Variants in CTNNA3 observed in about 807,000 individuals in gnomAD.
CTNNA3 encodes catenin alpha-3.
CTNNA3 carries 76 observed loss-of-function variants against 95.7 expected under a neutral mutation model. The observed-to-expected ratio is 0.79, with a 90% CI of 0.66 to 0.96. The LOEUF is 0.96. Ranked by LOEUF, CTNNA3 falls within the 40% of genes least tolerant of loss-of-function variation. The pLI, the probability that CTNNA3 is intolerant of heterozygous loss-of-function variation, is 0.00. For synonymous variants in CTNNA3, 431 were observed against 374.4 expected (o/e 1.15, Z -1.74); for missense variants, 1,191 against 1,089.8 (o/e 1.09, Z -1.31).
At chr10:67,147,844 G>A (rs928449211) in intron 7 of CTNNA3, among the ~76,000 whole-genome samples, 6 of 152,108 alleles carry the variant, frequency 3.9e-5, no homozygotes, top group Admixed American at 1.3e-4. Flanking sequence ...TATTGAAGCT[G>A]TATAGATTGA....
At chr10:67,029,721 A>T (rs2133104773) in intron 7 of CTNNA3, among the ~76,000 whole-genome samples, 1 of 152,356 alleles carries the variant, frequency 6.6e-6, no homozygotes, top group South Asian at 2.1e-4. Context: ...ATTTTTACAA[A>T]TTAACTTTTA....
At chr10:65,983,572 A>G (rs180720657) in intron 16 of CTNNA3, among the ~76,000 whole-genome samples, 2 of 151,610 alleles carry the variant, frequency 1.3e-5, no homozygotes, top group Non-Finnish European at 3.0e-5. Context: ...AAAATTTTTA[A>G]GAATTGTTAT....
At chr10:67,658,894 A>T (rs1016556531) in intron 1 of CTNNA3, among the ~76,000 whole-genome samples, 8 of 152,214 alleles carry the variant, frequency 5.3e-5, no homozygotes, top group Non-Finnish European at 1.2e-4. Flanking sequence ...GAGTATTTGA[A>T]GTTCTCTTTA....
At chr10:66,887,531 T>C (rs1834522566) in intron 7 of CTNNA3, among the ~76,000 whole-genome samples, 1 of 151,612 alleles carries the variant, frequency 6.6e-6, no homozygotes, top group African/African-American at 2.4e-5. Context: ...AAAAAAAAAA[T>C]GTGTCCAAAA....
intron 5 of CTNNA3, among the ~76,000 whole-genome samples, chr10:67,316,195 T>C (rs1841044672): frequency 6.6e-6 from 1 of 152,178 alleles, no homozygotes. Flanking sequence ...ATGCCATGTA[T>C]ACTGTGATCC....
intron 9 of CTNNA3, among the ~76,000 whole-genome samples, chr10:66,686,093 T>A (rs1468913032): frequency 1.3e-5 from 2 of 152,228 alleles, no homozygotes; most frequent in Non-Finnish European, 2.9e-5. Flanking sequence ...AATACAGGAA[T>A]TGATTGGCTT....
chr10:66,832,630 C>CA (rs1166376343), intron 7 of CTNNA3, among the ~76,000 whole-genome samples: 2,128 of 130,864 alleles, frequency 0.016, 66 homozygotes, highest in African/African-American at 0.054. Flanking sequence ...TATCAATTTT[C>CA]AAAAAAAAAA....
intron 9 of CTNNA3, among the ~76,000 whole-genome samples, chr10:66,739,818 G>C (rs1291101002): frequency 6.6e-6 from 1 of 152,096 alleles, no homozygotes; most frequent in Admixed American, 6.5e-5. Context: ...GTTTGTGTGT[G>C]TGTGTGTAGA....
intron 7 of CTNNA3, among the ~76,000 whole-genome samples, chr10:66,846,667 T>C (rs1307642714): frequency 2.0e-5 from 3 of 152,158 alleles, no homozygotes; most frequent in Non-Finnish European, 4.4e-5. Context: ...ATAAATTTGT[T>C]TTCAAGTGTT....
intron 17 of CTNNA3, among the ~76,000 whole-genome samples, chr10:65,928,232 A>T (rs3017067): frequency 0.15 from 22,971 of 152,106 alleles, 2,161 homozygotes; most frequent in South Asian, 0.23. Context: ...TTCAAGCATC[A>T]TTTAGTCAAA....
chr10:66,706,386 C>T (rs932289217), intron 9 of CTNNA3, among the ~76,000 whole-genome samples: 235 of 151,256 alleles, frequency 1.6e-3, no homozygotes, highest in Non-Finnish European at 7.4e-5. Flanking sequence ...GACCATATGG[C>T]CCCACTACTC....
intron 6 of CTNNA3, among the ~76,000 whole-genome samples, chr10:67,188,431 C>T (rs1390980701): frequency 6.6e-6 from 1 of 152,050 alleles, no homozygotes; most frequent in East Asian, 1.9e-4. Context: ...GCAAACCAGT[C>T]ATTCACAGAA....
intron 12 of CTNNA3, among the ~76,000 whole-genome samples, chr10:66,304,663 TACA>T (rs1370632085): frequency 6.6e-6 from 1 of 152,080 alleles, no homozygotes; most frequent in Non-Finnish European, 1.5e-5. Flanking sequence ...GATCCTACAA[TACA>T]ACAATATAAT....
chr10:66,872,724 A>G (rs1844461104), intron 7 of CTNNA3, among the ~76,000 whole-genome samples: 1 of 151,900 alleles, frequency 6.6e-6, no homozygotes, highest in African/African-American at 2.4e-5. Flanking sequence ...TTCAGGTGGT[A>G]CACGTGAAGG....
chr10:66,094,948 A>G (rs2081338556), intron 14 of CTNNA3, among the ~76,000 whole-genome samples: 1 of 152,144 alleles, frequency 6.6e-6, no homozygotes, highest in Non-Finnish European at 1.5e-5. Flanking sequence ...CTGAGTTTAG[A>G]TTTGTGCAAC....
intron 10 of CTNNA3, among the ~76,000 whole-genome samples, chr10:66,535,721 G>T (rs1841629783): frequency 1.3e-5 from 2 of 152,108 alleles, no homozygotes; most frequent in South Asian, 4.1e-4. Flanking sequence ...TGAGGGATGG[G>T]GAGGGAGAAG....
chr10:67,030,833 G>T (rs182497466), intron 7 of CTNNA3, among the ~76,000 whole-genome samples: 13 of 152,090 alleles, frequency 8.5e-5, no homozygotes, highest in Admixed American at 7.2e-4. Flanking sequence ...GTGAAACCCC[G>T]TCTCTACTAA....
chr10:65,968,288 AT>A (rs2078021072), intron 16 of CTNNA3, among the ~76,000 whole-genome samples: 1 of 152,118 alleles, frequency 6.6e-6, no homozygotes, highest in Non-Finnish European at 1.5e-5. Flanking sequence ...AGGTGGGAGG[AT>A]TGCCTGAGCC....
chr10:67,233,092 G>C (rs1865295613), intron 5 of CTNNA3, among the ~76,000 whole-genome samples: 1 of 152,152 alleles, frequency 6.6e-6, no homozygotes, highest in Non-Finnish European at 1.5e-5. Flanking sequence ...GTCAACATTA[G>C]ACAGATCAAT....
Sources: gnomAD v4.1 joint callset for allele counts (sites outside exome capture counted in the v4.1 genomes callset) on GRCh38, gnomAD v4.1.1 for gene constraint, MANE v1.5 for transcripts, NCBI Gene and HGNC (gene_info 2026-07-23, HGNC 2026-07-21) for gene names.